The following KCTD5 variants were observed in gnomAD, a reference collection of about 807,000 sequenced individuals.
KCTD5 encodes BTB/POZ domain-containing protein KCTD5.
In KCTD5, 12 loss-of-function variants were observed where a neutral mutation model predicts 27.9. That is an observed-to-expected ratio of 0.43 (90% confidence interval 0.28 to 0.70). The LOEUF is 0.70. KCTD5 is among the 30% of genes least tolerant of loss of function. The pLI, the probability that KCTD5 is intolerant of heterozygous loss-of-function variation, is 0.19. For missense variants in KCTD5, 226 were observed against 274.8 expected, an observed-to-expected ratio of 0.82 and a Z score of 1.26; for synonymous variants, 147 against 121.4, an observed-to-expected ratio of 1.21 and a Z score of -1.39.
At chr16:2,701,605 G>A (rs1329081788) in intron 4 of KCTD5, among the ~76,000 whole-genome samples, 3 of 152,224 alleles carry the variant, frequency 2.0e-5, no homozygotes, top group Admixed American at 6.5e-5. Flanking sequence ...AGGTAGCTGC[G>A]GGCTGCTCTC....
At chr16:2,699,703 T>C in intron 3 of KCTD5, 118 bp from the exon 4 acceptor site, 1 of 826,732 alleles carries the variant, frequency 1.2e-6, no homozygotes. Flanking sequence ...TTGGGCCTCG[T>C]GCCCTGTGCT....
intron 2 of KCTD5, chr16:2,697,397 T>TAAAA: frequency 6.5e-6 from 1 of 154,604 alleles, no homozygotes; most frequent in Non-Finnish European, 1.4e-5. Flanking sequence ...GTCTTCCCTT[T>TAAAA]GAATGGGGTC....
chr16:2,691,247 C>T (rs946198261), intron 1 of KCTD5, among the ~76,000 whole-genome samples: 30 of 152,252 alleles, frequency 2.0e-4, no homozygotes, highest in African/African-American at 7.2e-4. Flanking sequence ...CCTCCACACG[C>T]CACTGCCTCC....
intron 5 of KCTD5, among the ~76,000 whole-genome samples, chr16:2,704,894 C>T (rs541968409): frequency 2.0e-5 from 3 of 152,356 alleles, no homozygotes; most frequent in East Asian, 3.9e-4. Context: ...CGCCTCTGGA[C>T]AGGGTTCAGC....
intron 2 of KCTD5, among the ~76,000 whole-genome samples, chr16:2,696,937 G>A (rs74003059): frequency 4.3e-4 from 66 of 152,352 alleles, no homozygotes; most frequent in Admixed American, 1.4e-3. Flanking sequence ...CGCTCGAGTC[G>A]AGGCTTCGCT....
At chr16:2,702,584 C>A in intron 5 of KCTD5, 106 bp downstream of exon 5, 1 of 1,436,272 alleles carries the variant, frequency 7.0e-7, no homozygotes, top group East Asian at 2.4e-5. Context: ...TCCCGGTGTC[C>A]GCCCCTGGTG....
intron 4 of KCTD5, among the ~76,000 whole-genome samples, chr16:2,701,561 C>G (rs2067612185): frequency 6.6e-6 from 1 of 152,222 alleles, no homozygotes; most frequent in South Asian, 2.1e-4. Context: ...CCACTGCTGC[C>G]CACTGGGTCA....
intron 1 of KCTD5, among the ~76,000 whole-genome samples, chr16:2,692,555 CT>C (rs923897402): frequency 7.2e-5 from 11 of 152,228 alleles, no homozygotes; most frequent in Admixed American, 7.2e-4. Context: ...CCTGCTCTGG[CT>C]GAGCCCAGGG....
intron 5 of KCTD5, among the ~76,000 whole-genome samples, chr16:2,706,979 C>A (rs372280699): frequency 6.6e-6 from 1 of 151,714 alleles, no homozygotes; most frequent in Admixed American, 6.6e-5. Context: ...GAGGGACCCG[C>A]GGGCCGAGTT....
chr16:2,696,635 G>C (rs2067587282), intron 2 of KCTD5, among the ~76,000 whole-genome samples: 1 of 152,198 alleles, frequency 6.6e-6, no homozygotes, highest in Non-Finnish European at 1.5e-5. Context: ...GAAGGCTGAG[G>C]GTTTCTGGGC....
intron 5 of KCTD5, 123 bp from the exon 6 acceptor site, chr16:2,707,175 G>A (rs149644884): frequency 2.0e-5 from 17 of 847,094 alleles, no homozygotes; most frequent in East Asian, 1.8e-4. Flanking sequence ...GGCCAGTGCC[G>A]CTGGGTTCCC....
intron 4 of KCTD5, 85 bp downstream of exon 4, chr16:2,700,001 A>G (rs528057156): frequency 7.8e-7 from 1 of 1,280,192 alleles, no homozygotes; most frequent in South Asian, 1.2e-5. Context: ...GCTCCTGGAA[A>G]TGCAGACTTT....
In KCTD5 at chr16:2,699,862, G is replaced by A; in HGVS notation, c.495G>A (p.Glu165=). Residue 165 remains glutamate, a synonymous_variant, in exon 4 of 6, where the codon GAG becomes GAA. Coordinates refer to ENST00000301738, the MANE Select transcript of KCTD5 (RefSeq NM_018992.4). The part of the protein sequence containing the change: ...KHVYRVLQCQ[E]EELTQMVSTM... ...TGTACCGTGTGCTGCAGTGCCAGGA[G>A]GAGGAGCTCACGCAGATGGTGTCCA... The A allele has an allele frequency of 6.2e-7, 1 of 1,613,964 alleles. No individual in the cohort carries two copies. The highest frequency in any genetic ancestry group is 1.7e-5 in the Admixed American group (1 of 60,026).
intron 5 of KCTD5, among the ~76,000 whole-genome samples, chr16:2,705,584 CT>C (rs1275058691): frequency 6.6e-6 from 1 of 152,174 alleles, no homozygotes; most frequent in Non-Finnish European, 1.5e-5. Flanking sequence ...AGACCCCTAT[CT>C]CAGCTGCCAA....
intron 1 of KCTD5, chr16:2,684,639 C>T (rs1444761409): frequency 7.2e-5 from 11 of 152,254 alleles, no homozygotes; most frequent in Admixed American, 7.2e-4. Flanking sequence ...GTGGCGAGCA[C>T]CTGTAGTCCC....
intron 1 of KCTD5, among the ~76,000 whole-genome samples, chr16:2,690,029 G>T (rs528366871): frequency 6.6e-6 from 1 of 152,368 alleles, no homozygotes; most frequent in African/African-American, 2.4e-5. Context: ...TCCCTGAGAG[G>T]CTGGGGAACC....
intron 2 of KCTD5, among the ~76,000 whole-genome samples, chr16:2,696,620 G>A (rs1284191807): frequency 7.9e-5 from 12 of 152,294 alleles, no homozygotes; most frequent in Non-Finnish European, 2.9e-5. Context: ...TCGAGGCCTC[G>A]CCGTGAAGGC....
At chr16:2,687,055 C>A (rs74966633) in intron 1 of KCTD5, among the ~76,000 whole-genome samples, 8,837 of 152,264 alleles carry the variant, frequency 0.058, 868 homozygotes, top group African/African-American at 0.2. Context: ...TATTCTGGAC[C>A]TCTGCGATGG....
At chr16:2,690,283 C>T (rs1731246412) in intron 1 of KCTD5, among the ~76,000 whole-genome samples, 1 of 152,238 alleles carries the variant, frequency 6.6e-6, no homozygotes, top group Non-Finnish European at 1.5e-5. Context: ...CGCTGTCTGC[C>T]ATGTGCTCCC....
Sources: allele counts gnomAD v4.1 joint callset (sites outside exome capture counted in the v4.1 genomes callset), GRCh38; gene constraint gnomAD v4.1.1; transcripts MANE v1.5; gene names NCBI Gene and HGNC (gene_info 2026-07-23, HGNC 2026-07-21).